VRK3: variants seen among roughly 807,000 people sequenced by gnomAD.
The protein encoded by VRK3 is serine/threonine-protein kinase VRK3.
In VRK3, 50 loss-of-function variants were observed where a neutral mutation model predicts 60.4. The observed-to-expected ratio is 0.83, with a 90% CI of 0.66 to 1.05. The LOEUF (loss-of-function observed/expected upper bound fraction) is 1.05, where lower values mean the gene tolerates loss of function less well. Ranked by LOEUF, VRK3 falls within the 50% of genes least tolerant of loss-of-function variation. The probability of loss-of-function intolerance (pLI) is 0.00; values close to 1 mark genes in which losing one functional copy is unlikely to be tolerated. For synonymous variants in VRK3, 246 were observed against 227.8 expected, an observed-to-expected ratio of 1.08 and a Z score of -0.72; for missense variants, 549 against 585.3, an observed-to-expected ratio of 0.94 and a Z score of 0.64.
At chr19:49,979,770 G>A (rs965592470) in intron 13 of VRK3, among the ~76,000 whole-genome samples, 5 of 152,216 alleles carry the variant, frequency 3.3e-5, no homozygotes, top group Admixed American at 6.5e-5. Context: ...TCAGCCGGGC[G>A]CGGTGGCTCA....
rs1273360136 is a variant in VRK3, at chr19:50,009,258, C to CA, written c.266dup (p.Ser90GlufsTer4). 9.9e-6 allele frequency: 16 copies of CA among 1,614,002 alleles called. No homozygotes were observed. The highest frequency in any genetic ancestry group is 6.7e-5 in the East Asian group (3 of 44,898). ...TACCTTTGGATCTCTCAGAGGAACT[C>CA]AGAGTATCTTCAGACTCAGAACTGT... On this transcript the variant is annotated frameshift_variant, in exon 4 of 15. Transcript: ENST00000316763. LOFTEE classifies it high-confidence loss of function.
chr19:49,995,556 A>G (rs1337099889), intron 7 of VRK3, among the ~76,000 whole-genome samples: 1 of 152,174 alleles, frequency 6.6e-6, no homozygotes, highest in African/African-American at 2.4e-5. Context: ...GGATAATGAC[A>G]GGGTTACTTC....
chr19:50,024,189 C>T (rs957812101), intron 1 of VRK3, among the ~76,000 whole-genome samples: 4 of 152,226 alleles, frequency 2.6e-5, no homozygotes, highest in Admixed American at 1.3e-4. Context: ...CCGCCCACCT[C>T]GGTCTCCTAA....
At chr19:50,006,275 A>C (rs2076889455) in intron 5 of VRK3, among the ~76,000 whole-genome samples, 1 of 151,670 alleles carries the variant, frequency 6.6e-6, no homozygotes, top group Admixed American at 6.6e-5. Context: ...GTGCCACTGC[A>C]CTCCAGCCTG....
At chr19:50,001,059 G>T (rs2076796827) in intron 5 of VRK3, 1 of 559,646 alleles carries the variant, frequency 1.8e-6, no homozygotes, top group Non-Finnish European at 3.2e-6. Context: ...CAGCCATGCA[G>T]GAAGGGCTAA....
intron 1 of VRK3, chr19:50,024,938 C>T (rs1028580757): frequency 2.0e-5 from 3 of 152,256 alleles, no homozygotes; most frequent in Admixed American, 1.3e-4. Context: ...GGGCGATTGC[C>T]TAGGCGACGA....
intron 1 of VRK3, among the ~76,000 whole-genome samples, chr19:50,021,796 A>G (rs561500511): frequency 2.0e-5 from 3 of 152,352 alleles, no homozygotes; most frequent in African/African-American, 7.2e-5. Context: ...CACTCACTTA[A>G]GACGGTTCTC....
chr19:49,989,307 C>T (rs283518), intron 11 of VRK3, among the ~76,000 whole-genome samples: 19,302 of 152,224 alleles, frequency 0.13, 1,351 homozygotes, highest in African/African-American at 0.19. Context: ...CTCCCTCCCA[C>T]ACTCCAGATG....
chr19:50,004,601 T>C (rs2076863283), intron 5 of VRK3, among the ~76,000 whole-genome samples: 1 of 152,144 alleles, frequency 6.6e-6, no homozygotes. Context: ...CAGCATTACA[T>C]GGGTAAGACA....
At chr19:49,992,421 C>CA (rs1467679984) in intron 10 of VRK3, among the ~76,000 whole-genome samples, 6 of 152,116 alleles carry the variant, frequency 3.9e-5, no homozygotes, top group Non-Finnish European at 7.4e-5. Flanking sequence ...AAATCAAAGA[C>CA]AAAAAACAGG....
chr19:49,995,085 A>G, intron 8 of VRK3, 106 bp downstream of exon 8: 1 of 1,343,308 alleles, frequency 7.4e-7, no homozygotes, highest in Non-Finnish European at 1.0e-6. Flanking sequence ...AGAAGGCAGG[A>G]AGCAAAGACC....
Position 49,979,084 on chromosome 19 carries a change from T to C in VRK3, c.*10A>G. On this transcript the variant is annotated splice_region_variant and 3_prime_UTR_variant, in exon 14 of 15. Transcript: ENST00000316763. ...TTAAGCCTCACAAGCTCTTCCCACCTGGATTCCACCTAGGGCACCATCGGG... is the reference window on the plus strand; with the variant it reads ...TTAAGCCTCACAAGCTCTTCCCACCCGGATTCCACCTAGGGCACCATCGGG... 1 of 1,598,560 alleles carries C rather than the reference T, an allele frequency of 6.3e-7. No homozygotes were observed. The highest frequency in any genetic ancestry group is 1.1e-5 in the South Asian group (1 of 89,534).
chr19:49,978,818 C>T (rs972270595), intron 14 of VRK3: 2 of 357,116 alleles, frequency 5.6e-6, no homozygotes, highest in Non-Finnish European at 1.0e-5. Flanking sequence ...CCCGTTGTGC[C>T]TGAAGCTCCC....
At chr19:50,005,919 A>C (rs2076882372) in intron 5 of VRK3, among the ~76,000 whole-genome samples, 2 of 149,354 alleles carry the variant, frequency 1.3e-5, no homozygotes, top group Admixed American at 1.3e-4. Flanking sequence ...GGGGTGACAG[A>C]AACGTCCTGG....
At chr19:49,994,635 A>G (rs1002621747) in intron 9 of VRK3, among the ~76,000 whole-genome samples, 179 bp downstream of exon 9, 1 of 152,184 alleles carries the variant, frequency 6.6e-6, no homozygotes, top group Non-Finnish European at 1.5e-5. Flanking sequence ...AGGGCCCTCC[A>G]CAGGACTGAC....
chr19:49,996,977 ATTTATT>A (rs750186298), intron 7 of VRK3: 1 of 151,804 alleles, frequency 6.6e-6, no homozygotes. Context: ...CTTCCTAAAA[ATTTATT>A]TTTATTTTTA....
intron 5 of VRK3, among the ~76,000 whole-genome samples, chr19:50,004,409 GCT>G (rs1168905524): frequency 1.3e-5 from 2 of 151,648 alleles, no homozygotes; most frequent in African/African-American, 4.9e-5. Flanking sequence ...ATCCCTTCTC[GCT>G]CTTTCTCCCT....
rs9304698 is a variant in VRK3 at position 49,995,295 on chromosome 19, G to A, written c.680-20C>T. The A allele has an allele frequency of 9.9e-3, 15,920 of 1,613,064 alleles. 1,370 individuals carry two copies. The African/African-American group carries it at 0.19, about 19-fold the overall frequency. On this transcript the variant is annotated intron_variant, in intron 7 of 14. Transcript: ENST00000316763. ...TGTTGACTGCGGAAAGCAGGGGCTTGAGGTTAGAACCCACCCAGTCCCAAG... is the reference window on the plus strand; with the variant it reads ...TGTTGACTGCGGAAAGCAGGGGCTTAAGGTTAGAACCCACCCAGTCCCAAG...
chr19:50,009,449 C>T, intron 3 of VRK3, 64 bp from the exon 4 acceptor site: 1 of 1,586,896 alleles, frequency 6.3e-7, no homozygotes, highest in Non-Finnish European at 8.6e-7. Context: ...CACCATTGGA[C>T]TGGGAGCCCT....
Sources: gnomAD v4.1 joint callset for allele counts (sites outside exome capture counted in the v4.1 genomes callset) on GRCh38, gnomAD v4.1.1 for gene constraint, MANE v1.5 for transcripts, NCBI Gene and HGNC (gene_info 2026-07-23, HGNC 2026-07-21) for gene names.